VPS13A: variants seen among roughly 807,000 people sequenced by gnomAD.
The protein encoded by VPS13A is intermembrane lipid transfer protein VPS13A.
A neutral mutation model predicts 390.9 loss-of-function variants in VPS13A; 264 were observed. The observed-to-expected ratio is 0.68, with a 90% CI of 0.61 to 0.75. VPS13A has a LOEUF of 0.75. VPS13A is among the 30% of genes least tolerant of loss of function. The pLI, the probability that VPS13A is intolerant of heterozygous loss-of-function variation, is 0.00. For missense variants in VPS13A, 3,409 were observed against 3,733.9 expected, an observed-to-expected ratio of 0.91 and a Z score of 2.27; for synonymous variants, 1,231 against 1,227.1, an observed-to-expected ratio of 1.00 and a Z score of -0.07.
intron 26 of VPS13A, among the ~76,000 whole-genome samples, chr9:77,278,474 G>C (rs1022815068): frequency 6.6e-6 from 1 of 152,048 alleles, no homozygotes. Flanking sequence ...TTATTATTGC[G>C]CTTATTTCTG....
intron 71 of VPS13A, among the ~76,000 whole-genome samples, chr9:77,409,464 G>C (rs1158958302): frequency 6.6e-6 from 1 of 152,208 alleles, no homozygotes; most frequent in Non-Finnish European, 1.5e-5. Context: ...ACTTTGACAA[G>C]TTGAGAGAAG....
At chr9:77,216,209 A>G (rs1590014498) in intron 10 of VPS13A, among the ~76,000 whole-genome samples, 1 of 152,218 alleles carries the variant, frequency 6.6e-6, no homozygotes, top group East Asian at 1.9e-4. Context: ...TCTGCCTTCA[A>G]AGGAAACATA....
At chr9:77,237,366 A>C (rs1440569171) in intron 17 of VPS13A, among the ~76,000 whole-genome samples, 1 of 151,572 alleles carries the variant, frequency 6.6e-6, no homozygotes, top group Non-Finnish European at 1.5e-5. Flanking sequence ...ATGTTTATTA[A>C]ATTGTTTTAT....
intron 53 of VPS13A, among the ~76,000 whole-genome samples, chr9:77,352,278 T>A (rs1831515191): frequency 6.6e-6 from 1 of 152,222 alleles, no homozygotes; most frequent in African/African-American, 2.4e-5. Flanking sequence ...AGAAAATTTT[T>A]AAAAGTTTTT....
At chr9:77,380,882 G>A (rs577438092) in intron 67 of VPS13A, among the ~76,000 whole-genome samples, 2 of 152,258 alleles carry the variant, frequency 1.3e-5, no homozygotes, top group African/African-American at 4.8e-5. Context: ...ATCTGATGCC[G>A]CTGCTGATAT....
intron 4 of VPS13A, among the ~76,000 whole-genome samples, chr9:77,205,748 C>T (rs549545049): frequency 3.5e-4 from 53 of 152,082 alleles, no homozygotes; most frequent in African/African-American, 1.2e-3. Flanking sequence ...CCTGCCACCA[C>T]GCCCAGCTAG....
rs779471002 is a variant in VPS13A at position 77,319,692 on chromosome 9, A to C, written c.5415+19A>C. 7.2e-6 allele frequency: 9 copies of C among 1,250,206 alleles called. No homozygotes were observed. The highest frequency in any genetic ancestry group is 9.3e-6 in the Non-Finnish European group (8 of 862,052). The allele number at this position is 1,250,206 out of a possible 1,614,324, so 77.4% of individuals were successfully genotyped here. ...TATCAAGGTATATCTATATATGTCT[A>C]TGTGTGTATATATATATATATGTAT... On this transcript the variant is annotated intron_variant, in intron 42 of 71. Transcript: ENST00000360280.
chr9:77,396,378 A>T (rs1834120599), intron 68 of VPS13A, among the ~76,000 whole-genome samples: 1 of 152,180 alleles, frequency 6.6e-6, no homozygotes, highest in African/African-American at 2.4e-5. Context: ...GCATATTAGC[A>T]TGGGAGAGGA....
At chr9:77,282,436 A>C (rs1489268581) in intron 29 of VPS13A, among the ~76,000 whole-genome samples, 162 bp downstream of exon 29, 1 of 152,116 alleles carries the variant, frequency 6.6e-6, no homozygotes, top group Non-Finnish European at 1.5e-5. Flanking sequence ...ATAATTTTAG[A>C]AAATAAAGGA....
intron 23 of VPS13A, among the ~76,000 whole-genome samples, chr9:77,266,284 A>G (rs1826030917): frequency 6.6e-6 from 1 of 152,162 alleles, no homozygotes; most frequent in Non-Finnish European, 1.5e-5. Flanking sequence ...TTGGGGGTGG[A>G]GAGTTCTGTA....
At chr9:77,183,599 T>G (rs1190374240) in intron 1 of VPS13A, among the ~76,000 whole-genome samples, 1 of 148,516 alleles carries the variant, frequency 6.7e-6, no homozygotes, top group Non-Finnish European at 1.5e-5. Flanking sequence ...GGTGAGGATG[T>G]GCAAAAACTG....
chr9:77,305,158 T>C (rs779488043), intron 34 of VPS13A, among the ~76,000 whole-genome samples: 5 of 152,168 alleles, frequency 3.3e-5, no homozygotes, highest in Non-Finnish European at 7.3e-5. Context: ...CAGGATGGTC[T>C]TGATCTCCTG....
chr9:77,194,632 G>A (rs964756348), intron 1 of VPS13A, among the ~76,000 whole-genome samples: 2 of 152,118 alleles, frequency 1.3e-5, no homozygotes, highest in African/African-American at 4.8e-5. Flanking sequence ...CTTCAGCTAG[G>A]ATTCTAGAGG....
chr9:77,316,204 TTAA>T lies in VPS13A; in HGVS notation c.4663_4665del (p.Asn1555del), dbSNP rs776601892. 6.2e-7 allele frequency: 1 copy of T among 1,612,484 alleles called. No homozygotes were observed. Among genetic ancestry groups the T allele is most frequent in the African/African-American group, 1.3e-5 (1 of 74,974 alleles). ...ACACAGGAATCAGTGAAGTGGGAAATTAATGTTATTATTAAAAATCCTGAAATT... is the reference window on the plus strand; with the variant it reads ...ACACAGGAATCAGTGAAGTGGGAAATTGTTATTATTAAAAATCCTGAAATT... On this transcript the variant is annotated inframe_deletion, in exon 39 of 72. Transcript: ENST00000360280.
Position 77,188,009 on chromosome 9 carries a change from A to G in VPS13A, c.100+10205A>G, listed in dbSNP as rs117078799. 2.6e-5 allele frequency among the ~76,000 whole-genome samples: 4 copies of G among 152,242 alleles called. No individual in the cohort carries two copies. In the East Asian group the frequency reaches 7.7e-4, roughly 29 times the overall value. ...TTGGAGGTGGGGACTGGTGGGAGGC[A>G]GTTGGGTCATAGGGGTGGATCTTTC... On this transcript the variant is annotated intron_variant, in intron 1 of 71. Coordinates refer to ENST00000360280, the MANE Select transcript of VPS13A (RefSeq NM_033305.3).
chr9:77,284,649 A>G (rs1210619220), intron 31 of VPS13A, among the ~76,000 whole-genome samples: 6 of 152,194 alleles, frequency 3.9e-5, no homozygotes, highest in African/African-American at 1.4e-4. Flanking sequence ...AAAGTTATAC[A>G]GAACTGAGAG....
chr9:77,281,899 C>T lies in VPS13A; in HGVS notation c.2937C>T (p.Thr979=). The change falls in exon 28 of 72, where the codon ACC becomes ACT. Residue 979 remains threonine, a synonymous_variant. Coordinates refer to ENST00000360280, the MANE Select transcript of VPS13A (RefSeq NM_033305.3). Reference sequence around the variant, plus strand: ...AGAATGTACCCGACTTGAAAAGTACCTATAACAATGTTTTACAATTGATTA... The same window carrying T: ...AGAATGTACCCGACTTGAAAAGTACTTATAACAATGTTTTACAATTGATTA... ...AEKNVPDLKS[T]YNNVLQLIKV... 4 of 1,603,100 alleles carry T rather than the reference C, an allele frequency of 2.5e-6. No homozygotes were observed. The highest frequency in any genetic ancestry group is 2.2e-5 in the East Asian group (1 of 44,646).
At chr9:77,372,805 A>G (rs965125372) in intron 67 of VPS13A, among the ~76,000 whole-genome samples, 12 of 152,248 alleles carry the variant, frequency 7.9e-5, no homozygotes, top group East Asian at 5.8e-4. Context: ...TACAAAATCA[A>G]TGTACAAAAA....
chr9:77,315,032 T>C (rs947622649), intron 37 of VPS13A, among the ~76,000 whole-genome samples: 1 of 152,190 alleles, frequency 6.6e-6, no homozygotes, highest in Non-Finnish European at 1.5e-5. Context: ...TTCAAACTCT[T>C]ATAATTTATT....
Sources: gnomAD v4.1 joint callset for allele counts (sites outside exome capture counted in the v4.1 genomes callset) on GRCh38, gnomAD v4.1.1 for gene constraint, MANE v1.5 for transcripts, NCBI Gene and HGNC (gene_info 2026-07-23, HGNC 2026-07-21) for gene names.